LDAH: variants seen among roughly 807,000 people sequenced by gnomAD.
LDAH encodes lipid droplet associated hydrolase, also known as lipid droplet-associated hydrolase.
LDAH carries 26 observed loss-of-function variants against 29.6 expected under a neutral mutation model. The ratio of observed to expected loss-of-function variants is 0.88; its 90% CI spans 0.64 to 1.22. The LOEUF (loss-of-function observed/expected upper bound fraction) is 1.22. Among genes scored for constraint, LDAH ranks in the 50% most tolerant of loss-of-function variants. The probability of loss-of-function intolerance (pLI) is 0.00; values close to 1 mark genes in which losing one functional copy is unlikely to be tolerated. For missense variants in LDAH, 344 were observed against 387.3 expected, an observed-to-expected ratio of 0.89 and a Z score of 0.94; for synonymous variants, 117 against 133.0, an observed-to-expected ratio of 0.88 and a Z score of 0.83.
rs186223255 is a variant in LDAH, at chr2:20,722,604, C to T, written c.703+17367G>A. The stretch of plus-strand genomic sequence containing the variant: ...GCTAGAAGAGAAGAATTGTAATGTT[C>T]TTAAAACAAAGATAAATATTTGAAG... On this transcript the variant is annotated intron_variant, in intron 5 of 6. Coordinates refer to ENST00000237822, the MANE Select transcript of LDAH (RefSeq NM_021925.4). Among the ~76,000 whole-genome samples the T allele has an allele frequency of 2.2e-3, 337 of 152,102 alleles. 1 individual carries two copies. Among genetic ancestry groups the T allele is most frequent in the Non-Finnish European group, 2.5e-3 (169 of 67,980 alleles).
At chr2:20,683,390 C>T (rs924039679), downstream of LDAH, among the ~76,000 whole-genome samples, 2 of 152,266 alleles carry the variant, frequency 1.3e-5, no homozygotes, top group African/African-American at 4.8e-5. Context: ...AGAGCACACT[C>T]AGTCCCAGCC....
chr2:20,813,824 A>AT (rs1293382158), intron 1 of LDAH, among the ~76,000 whole-genome samples: 2 of 152,030 alleles, frequency 1.3e-5, no homozygotes, highest in Admixed American at 6.6e-5. Context: ...GTGTTTAAGC[A>AT]TTTTTTCATG....
chr2:20,725,181 A>G (rs1327839825), intron 5 of LDAH, among the ~76,000 whole-genome samples: 1 of 152,204 alleles, frequency 6.6e-6, no homozygotes, highest in Non-Finnish European at 1.5e-5. Context: ...AAAAGGTTTG[A>G]CAGGTTAGGA....
At chr2:20,708,664 G>A (rs1664482644) in intron 5 of LDAH, among the ~76,000 whole-genome samples, 1 of 152,140 alleles carries the variant, frequency 6.6e-6, no homozygotes, top group African/African-American at 2.4e-5. Context: ...TACCTCACAT[G>A]ACATAGGAAA....
Position 20,686,929 on chromosome 2 carries a change from G to C in LDAH, c.952C>G (p.Leu318Val). The change falls in exon 7 of 7, where the codon CTA becomes GTA. Residue 318 changes from leucine to valine, a missense_variant. By Grantham distance (32) the Leu-to-Val change is conservative (BLOSUM62 1). Transcript: ENST00000237822. ...TACATTTTGGACAAGTCATCCTTTA[G>C]GGAGTCAGCAATCATGTCTGCCATT... ...QEMADMIADS[L>V]KDDLSKM The C allele has an allele frequency of 1.2e-6, 2 of 1,613,852 alleles. No homozygotes were observed. Among genetic ancestry groups the C allele is most frequent in the Non-Finnish European group, 1.7e-6 (2 of 1,179,892 alleles).
Position 20,710,288 on chromosome 2 carries a change from C to T in LDAH, c.704-8636G>A, listed in dbSNP as rs142991570. On this transcript the variant is annotated intron_variant, in intron 5 of 6. Transcript: ENST00000237822. ...ATTCCAGATATCAAAAGGATAATCACATAATTTTGTGAAAAACTTTATGTC... is the reference window on the plus strand; with the variant it reads ...ATTCCAGATATCAAAAGGATAATCATATAATTTTGTGAAAAACTTTATGTC... Among the ~76,000 whole-genome samples, 526 of 152,000 alleles carry T rather than the reference C, an allele frequency of 3.5e-3. 4 individuals carry two copies. Among genetic ancestry groups the T allele is most frequent in the Non-Finnish European group, 6.3e-3 (428 of 67,940 alleles).
chr2:20,709,589 CTGTT>C (rs1664556001), intron 5 of LDAH, among the ~76,000 whole-genome samples: 1 of 152,156 alleles, frequency 6.6e-6, no homozygotes, highest in African/African-American at 2.4e-5. Flanking sequence ...CTTTGGAAAA[CTGTT>C]TGGCAGTTCC....
At chr2:20,715,163 A>C (rs1665072716) in intron 5 of LDAH, among the ~76,000 whole-genome samples, 1 of 152,250 alleles carries the variant, frequency 6.6e-6, no homozygotes, top group Non-Finnish European at 1.5e-5. Context: ...CCAGCAGCAC[A>C]TCAAAAAGCT....
At chr2:20,721,580 C>T (rs550476098) in intron 5 of LDAH, among the ~76,000 whole-genome samples, 2 of 151,896 alleles carry the variant, frequency 1.3e-5, no homozygotes, top group South Asian at 4.2e-4. Context: ...AAAAACCCCA[C>T]AATTAGGTGT....
chr2:20,724,291 G>A (rs1558414246), intron 5 of LDAH, among the ~76,000 whole-genome samples: 1 of 152,146 alleles, frequency 6.6e-6, no homozygotes, highest in African/African-American at 2.4e-5. Flanking sequence ...TTCATACCTT[G>A]TATCTGATTT....
chr2:20,730,930 G>A (rs1026679631), intron 5 of LDAH, among the ~76,000 whole-genome samples: 6 of 152,150 alleles, frequency 3.9e-5, no homozygotes, highest in Non-Finnish European at 7.4e-5. Context: ...ATATCACAAA[G>A]TTTTGATTAC....
At chr2:20,683,507 T>C (rs138416867), downstream of LDAH, among the ~76,000 whole-genome samples, 1,121 of 152,332 alleles carry the variant, frequency 7.4e-3, 14 homozygotes, top group African/African-American at 0.026. Flanking sequence ...TCTCAAGCCA[T>C]CTAAGAAATG....
intron 5 of LDAH, among the ~76,000 whole-genome samples, chr2:20,703,321 G>A (rs961541825): frequency 2.0e-5 from 3 of 152,088 alleles, no homozygotes; most frequent in African/African-American, 7.2e-5. Flanking sequence ...TCTTTTAGCT[G>A]TCCTTCCACC....
intron 4 of LDAH, among the ~76,000 whole-genome samples, chr2:20,764,885 A>G (rs1344402140): frequency 6.6e-6 from 1 of 152,240 alleles, no homozygotes; most frequent in Admixed American, 6.5e-5. Flanking sequence ...CTCATCTTTA[A>G]GATGGGAAAA....
chr2:20,704,713 C>A (rs944663774), intron 5 of LDAH, among the ~76,000 whole-genome samples: 10 of 152,300 alleles, frequency 6.6e-5, no homozygotes, highest in African/African-American at 2.2e-4. Flanking sequence ...CACTTCCCTG[C>A]CTCCCTTTCA....
intron 4 of LDAH, among the ~76,000 whole-genome samples, chr2:20,759,998 T>C (rs774677422): frequency 4.6e-5 from 7 of 152,078 alleles, no homozygotes; most frequent in Non-Finnish European, 8.8e-5. Flanking sequence ...CAACCTAGAG[T>C]AGGATGAATG....
At chr2:20,807,592 T>A (rs1003008793) in intron 1 of LDAH, among the ~76,000 whole-genome samples, 7 of 152,048 alleles carry the variant, frequency 4.6e-5, no homozygotes, top group Admixed American at 1.3e-4. Context: ...AGAAAACTTA[T>A]ATAATCATCT....
intron 2 of LDAH, among the ~76,000 whole-genome samples, chr2:20,799,128 G>A (rs1159635153): frequency 6.6e-6 from 1 of 151,764 alleles, no homozygotes; most frequent in Non-Finnish European, 1.5e-5. Flanking sequence ...TGATGAGGCT[G>A]ATACAGGAGA....
rs567149751 is a variant in LDAH at position 20,788,732 on chromosome 2, C to CA, written c.298+1522dup. Among the ~76,000 whole-genome samples the CA allele has an allele frequency of 7.0e-4, 106 of 152,292 alleles. 2 individuals are homozygous for CA. Among genetic ancestry groups the CA allele is most frequent in the Non-Finnish European group, 1.0e-3 (68 of 68,018 alleles). On this transcript the variant is annotated intron_variant, in intron 3 of 6. Coordinates refer to ENST00000237822, the MANE Select transcript of LDAH (RefSeq NM_021925.4). ...ATTAACTAAAGGAAACCCCCTAGGA[C>CA]AAAACGCCCTTGAATGGAATGCCTA...
Sources: allele counts gnomAD v4.1 joint callset (sites outside exome capture counted in the v4.1 genomes callset), GRCh38; gene constraint gnomAD v4.1.1; transcripts MANE v1.5; gene names NCBI Gene and HGNC (gene_info 2026-07-23, HGNC 2026-07-21).